The following CYP4X1 variants were observed in gnomAD, a reference collection of about 807,000 sequenced individuals.
The protein encoded by CYP4X1 is cytochrome P450 4X1.
CYP4X1 carries 44 observed loss-of-function variants against 57.9 expected under a neutral mutation model. That is an observed-to-expected ratio of 0.76 (90% confidence interval 0.60 to 0.98). The LOEUF (loss-of-function observed/expected upper bound fraction) is 0.98, where lower values mean the gene tolerates loss of function less well. Among genes scored for constraint, CYP4X1 ranks in the 50% least tolerant of loss-of-function variants. The probability of loss-of-function intolerance (pLI) is 0.00; values close to 1 mark genes in which losing one functional copy is unlikely to be tolerated. For synonymous variants in CYP4X1, 227 were observed against 228.6 expected, an observed-to-expected ratio of 0.99 and a Z score of 0.06; for missense variants, 532 against 623.9, an observed-to-expected ratio of 0.85 and a Z score of 1.57.
chr1:47,035,697 C>G (rs1644172270), intron 4 of CYP4X1, 109 bp from the exon 5 acceptor site: 1 of 1,465,546 alleles, frequency 6.8e-7, no homozygotes, highest in African/African-American at 1.4e-5. Context: ...CCTGCTGGGT[C>G]AGGGTTGTCT....
chr1:47,049,605 G>C, intron 11 of CYP4X1, 101 bp downstream of exon 11: 1 of 1,038,828 alleles, frequency 9.6e-7, no homozygotes, highest in African/African-American at 1.6e-5. Context: ...CCAGGGAACC[G>C]TAGATCTTGG....
chr1:47,008,449 G>A, the CYP4X1 span, among the ~76,000 whole-genome samples: 2 of 152,126 alleles, frequency 1.3e-5, no homozygotes, highest in East Asian at 1.9e-4. Context: ...GGAACAACCA[G>A]TACCAGCCAC....
At chr1:46,985,320 T>A in the CYP4X1 span, among the ~76,000 whole-genome samples, 8 of 151,246 alleles carry the variant, frequency 5.3e-5, no homozygotes, top group East Asian at 1.6e-3. Flanking sequence ...AGAGCAAGAG[T>A]CTATCTCAAA....
At chr1:46,989,473 G>T in the CYP4X1 span, among the ~76,000 whole-genome samples, 1 of 152,120 alleles carries the variant, frequency 6.6e-6, no homozygotes. Context: ...TGGACATACT[G>T]CCCAAAGTAA....
intron 4 of CYP4X1, among the ~76,000 whole-genome samples, chr1:47,034,793 A>C (rs545170846): frequency 4.6e-5 from 7 of 151,222 alleles, no homozygotes; most frequent in Non-Finnish European, 7.4e-5. Flanking sequence ...TTTTCTCTCT[A>C]TTTCTCGGAG....
the CYP4X1 span, among the ~76,000 whole-genome samples, chr1:47,011,780 T>C: frequency 6.6e-6 from 1 of 152,184 alleles, no homozygotes; most frequent in Non-Finnish European, 1.5e-5. Flanking sequence ...AAAGAAGACA[T>C]TTATGCAGCC....
the CYP4X1 span, among the ~76,000 whole-genome samples, chr1:47,013,422 T>C: frequency 7.2e-5 from 11 of 152,304 alleles, no homozygotes; most frequent in Admixed American, 1.3e-4. Context: ...ACAACAGAGA[T>C]AGCACATGTA....
At chr1:46,967,642 G>T in the CYP4X1 span, 1 of 421,672 alleles carries the variant, frequency 2.4e-6, no homozygotes, top group Middle Eastern at 5.1e-4. Context: ...CAGGAGCAGG[G>T]GTGAGGAAGA....
chr1:46,993,942 C>A, the CYP4X1 span, among the ~76,000 whole-genome samples: 60,010 of 151,760 alleles, frequency 0.4, 13,564 homozygotes, highest in African/African-American at 0.62. Context: ...TAATTAGATC[C>A]CATTTGTCAA....
chr1:47,030,028 T>G lies in CYP4X1; in HGVS notation c.216T>G (p.Ile72Met). The change falls in exon 2 of 12, where the codon ATT becomes ATG. Residue 72 changes from isoleucine to methionine, a missense_variant. Physicochemically the swap from Ile to Met is conservative, Grantham distance 10. Transcript: ENST00000371901. ...ATAACATGGAGAAGCTTGAGGAAAT[T>G]ATTGAAAAATACCCTCGTGCCTTCC... ...QDDNMEKLEE[I>M]IEKYPRAFPF... is the part of the protein sequence containing the mutation. 6.2e-7 allele frequency: 1 copy of G among 1,614,102 alleles called. No individual in the cohort carries two copies. The highest frequency in any genetic ancestry group is 8.5e-7 in the Non-Finnish European group (1 of 1,179,990).
chr1:46,969,211 A>C, the CYP4X1 span, among the ~76,000 whole-genome samples: 3 of 152,194 alleles, frequency 2.0e-5, no homozygotes, highest in Admixed American at 6.5e-5. Flanking sequence ...TCCTGTTCCC[A>C]CCACGTGACA....
At chr1:47,051,134 C>T (rs1481759663), downstream of CYP4X1, among the ~76,000 whole-genome samples, 1 of 152,160 alleles carries the variant, frequency 6.6e-6, no homozygotes, top group Non-Finnish European at 1.5e-5. Context: ...GAAAAAATGC[C>T]TATCGTCACT....
the CYP4X1 span, among the ~76,000 whole-genome samples, chr1:46,989,652 A>G: frequency 2.0e-5 from 3 of 152,230 alleles, no homozygotes; most frequent in Non-Finnish European, 2.9e-5. Context: ...TTCAAACTGT[A>G]CTACAAGGCT....
At chr1:46,965,608 C>T in the CYP4X1 span, among the ~76,000 whole-genome samples, 6 of 152,212 alleles carry the variant, frequency 3.9e-5, no homozygotes, top group South Asian at 2.1e-4. Flanking sequence ...TCTGTCCCAG[C>T]GGGGTACTGA....
the CYP4X1 span, among the ~76,000 whole-genome samples, chr1:46,990,633 A>C: frequency 6.6e-6 from 1 of 152,240 alleles, no homozygotes; most frequent in Non-Finnish European, 1.5e-5. Context: ...CACAATAGCA[A>C]AGACTTAGGA....
intron 8 of CYP4X1, among the ~76,000 whole-genome samples, chr1:47,042,190 A>G (rs553200775): frequency 1.3e-5 from 2 of 151,526 alleles, no homozygotes; most frequent in South Asian, 2.1e-4. Flanking sequence ...TCTGTAGTCA[A>G]TTTCAGATCA....
chr1:47,034,020 C>T (rs929348314), intron 4 of CYP4X1, among the ~76,000 whole-genome samples: 11 of 152,218 alleles, frequency 7.2e-5, no homozygotes, highest in African/African-American at 2.4e-4. Context: ...GGCAGATTAG[C>T]TTCCAGTATG....
chr1:46,980,471 T>TA, the CYP4X1 span, among the ~76,000 whole-genome samples: 3 of 151,988 alleles, frequency 2.0e-5, no homozygotes, highest in African/African-American at 7.3e-5. Context: ...CTCAATGAAA[T>TA]AAAAGAGGAC....
chr1:47,027,317 A>G (rs113323560), intron 1 of CYP4X1, among the ~76,000 whole-genome samples: 13 of 152,178 alleles, frequency 8.5e-5, no homozygotes, highest in African/African-American at 3.1e-4. Context: ...AGGGAAATCT[A>G]GTATCTAAGG....
Sources: gnomAD v4.1 joint callset for allele counts (sites outside exome capture counted in the v4.1 genomes callset) on GRCh38, gnomAD v4.1.1 for gene constraint, MANE v1.5 for transcripts, NCBI Gene and HGNC (gene_info 2026-07-23, HGNC 2026-07-21) for gene names.